GRID2: variants seen among roughly 807,000 people sequenced by gnomAD.
GRID2 encodes glutamate ionotropic receptor delta type subunit 2.
GRID2 carries 33 observed loss-of-function variants against 114.8 expected under a neutral mutation model. That is an observed-to-expected ratio of 0.29 (90% CI 0.22 to 0.38). The LOEUF is 0.38. Ranked by LOEUF, GRID2 falls within the 10% of genes least tolerant of loss-of-function variation. The pLI, the probability that GRID2 is intolerant of heterozygous loss-of-function variation, is 1.00. For missense variants in GRID2, 1,184 were observed against 1,257.7 expected (o/e 0.94, Z 0.89); for synonymous variants, 505 against 449.9 (o/e 1.12, Z -1.55).
intron 2 of GRID2, among the ~76,000 whole-genome samples, chr4:92,725,917 A>T: frequency 6.6e-6 from 1 of 152,142 alleles, no homozygotes; most frequent in East Asian, 1.9e-4. Context: ...AAGCGGAAGT[A>T]AGCACAAAAT....
chr4:92,403,299 G>C lies in GRID2; in HGVS notation c.88+98555G>C, dbSNP rs182612238. 2.6e-5 allele frequency among the ~76,000 whole-genome samples: 4 copies of C among 152,202 alleles called. No homozygotes were observed. The East Asian group carries it at 7.7e-4, about 29-fold the overall frequency. On this transcript the variant is annotated intron_variant, in intron 1 of 15. Coordinates refer to ENST00000282020, the MANE Select transcript of GRID2 (RefSeq NM_001510.4). ...TTTAATTTCTTTCTAGAACAGTTTT[G>C]TTGCACAACTCAGGTGTTTGGTGCA...
At chr4:93,061,897 G>T (rs1727844239) in intron 2 of GRID2, among the ~76,000 whole-genome samples, 2 of 152,064 alleles carry the variant, frequency 1.3e-5, no homozygotes, top group Non-Finnish European at 1.5e-5. Flanking sequence ...ATCCGTAAAT[G>T]CCAGGTTAAT....
intron 14 of GRID2, among the ~76,000 whole-genome samples, chr4:93,638,225 C>G (rs1241417939): frequency 6.6e-6 from 1 of 150,990 alleles, no homozygotes; most frequent in Non-Finnish European, 1.5e-5. Flanking sequence ...ATGTTAGTAA[C>G]TAATGAAAAT....
intron 2 of GRID2, among the ~76,000 whole-genome samples, chr4:92,903,967 C>T (rs1316507272): frequency 6.6e-6 from 1 of 151,900 alleles, no homozygotes; most frequent in African/African-American, 2.4e-5. Flanking sequence ...ACATCATTCT[C>T]ATCTTTGATT....
At chr4:93,178,447 A>T (rs572324714) in intron 4 of GRID2, among the ~76,000 whole-genome samples, 1 of 115,362 alleles carries the variant, frequency 8.7e-6, no homozygotes, top group African/African-American at 3.3e-5. Flanking sequence ...CTCAGGCTGG[A>T]GTACAGTGAT....
At chr4:93,742,666 A>G (rs780040543) in intron 14 of GRID2, among the ~76,000 whole-genome samples, 81 of 152,162 alleles carry the variant, frequency 5.3e-4, no homozygotes, top group Non-Finnish European at 1.3e-4. Flanking sequence ...TGATGTTACT[A>G]TCATAATTGT....
At chr4:92,610,740 T>C (rs1352993308) in intron 2 of GRID2, among the ~76,000 whole-genome samples, 1 of 151,682 alleles carries the variant, frequency 6.6e-6, no homozygotes, top group African/African-American at 2.4e-5. Context: ...AGTTCCATAC[T>C]ACCTTCAAGC....
chr4:93,310,439 GAGA>G (rs1755893232), intron 8 of GRID2, among the ~76,000 whole-genome samples: 1 of 152,150 alleles, frequency 6.6e-6, no homozygotes, highest in African/African-American at 2.4e-5. Context: ...GCTGAGGCAG[GAGA>G]ATCGCTTGAA....
intron 12 of GRID2, among the ~76,000 whole-genome samples, chr4:93,505,664 G>T (rs1728559417): frequency 6.8e-6 from 1 of 147,794 alleles, no homozygotes; most frequent in African/African-American, 2.5e-5. Flanking sequence ...GGCCTTTCAT[G>T]GTATATACAT....
At chr4:92,591,003 C>T (rs1300978668) in intron 2 of GRID2, among the ~76,000 whole-genome samples, 1 of 152,114 alleles carries the variant, frequency 6.6e-6, no homozygotes, top group African/African-American at 2.4e-5. Flanking sequence ...ATCCAGAAAG[C>T]ACTCACTTTA....
chr4:92,772,541 G>A (rs1490913470), intron 2 of GRID2, among the ~76,000 whole-genome samples: 2 of 151,960 alleles, frequency 1.3e-5, no homozygotes, highest in African/African-American at 2.4e-5. Flanking sequence ...TATTCATAAC[G>A]AGCATATCTA....
At chr4:93,672,121 T>G (rs181745478) in intron 14 of GRID2, among the ~76,000 whole-genome samples, 1 of 152,214 alleles carries the variant, frequency 6.6e-6, no homozygotes, top group Admixed American at 6.5e-5. Flanking sequence ...AGTTGAGGAG[T>G]TTATAGAGTC....
intron 2 of GRID2, among the ~76,000 whole-genome samples, chr4:92,777,753 C>T (rs969112626): frequency 1.4e-5 from 2 of 144,586 alleles, no homozygotes; most frequent in African/African-American, 5.1e-5. Flanking sequence ...AAAAAAAAAG[C>T]CATGTGAGGA....
rs1732705692 is a variant in GRID2, at chr4:93,110,925, C to G, written c.707C>G (p.Pro236Arg). The change falls in exon 4 of 16, where the codon CCT (proline) becomes CGT (arginine). Residue 236 changes from proline to arginine, a missense_variant. By Grantham distance (103) the Pro-to-Arg change is moderately radical. Around this residue, in one of 3 missense-constraint regions of GRID2, gnomAD observed 455 missense variants for 429.5 expected, o/e 1.06. Transcript: ENST00000282020. ...AGGCGAGCGATCCTTGTTATGAATC[C>G]TGCTACAGCCAAATCCTTCATTACT... The part of the protein sequence containing the change: ...TLRRAILVMN[P>R]ATAKSFITEV... 1 of 1,611,166 alleles carries G rather than the reference C, an allele frequency of 6.2e-7. No homozygotes were observed. The highest frequency in any genetic ancestry group is 1.3e-5 in the African/African-American group (1 of 74,968).
At chr4:93,631,728 C>A (rs1383487551) in intron 14 of GRID2, among the ~76,000 whole-genome samples, 1 of 152,146 alleles carries the variant, frequency 6.6e-6, no homozygotes, top group African/African-American at 2.4e-5. Context: ...TGGGTATATA[C>A]CCAGTAATGG....
chr4:93,679,936 A>G (rs1304149736), intron 14 of GRID2, among the ~76,000 whole-genome samples: 3 of 151,252 alleles, frequency 2.0e-5, no homozygotes, highest in East Asian at 3.8e-4. Context: ...TCAGAGCAGA[A>G]CTGAAGGAAA....
At chr4:93,538,411 A>T (rs1394273110) in intron 13 of GRID2, among the ~76,000 whole-genome samples, 1 of 151,838 alleles carries the variant, frequency 6.6e-6, no homozygotes, top group East Asian at 1.9e-4. Context: ...GAATAAAAAA[A>T]GTGGGAGAAG....
chr4:92,859,169 G>C (rs568340599), intron 2 of GRID2, among the ~76,000 whole-genome samples: 1 of 152,194 alleles, frequency 6.6e-6, no homozygotes, highest in African/African-American at 2.4e-5. Flanking sequence ...CCAACCTTCA[G>C]CAACCAGAAC....
intron 1 of GRID2, among the ~76,000 whole-genome samples, chr4:92,555,256 C>T (rs1211917779): frequency 6.6e-6 from 1 of 152,022 alleles, no homozygotes; most frequent in Non-Finnish European, 1.5e-5. Context: ...CCGCAGTTAG[C>T]ATTTGTGTTG....
Sources: gnomAD v4.1 joint callset for allele counts (sites outside exome capture counted in the v4.1 genomes callset) on GRCh38, gnomAD v4.1.1 for gene constraint, gnomAD v4.1.1 regional missense constraint, MANE v1.5 for transcripts, NCBI Gene and HGNC (gene_info 2026-07-23, HGNC 2026-07-21) for gene names.